The following CD38 variants were observed in gnomAD, a reference collection of about 807,000 sequenced individuals.
CD38 encodes the protein ADP-ribosyl cyclase/cyclic ADP-ribose hydrolase 1.
Under a neutral mutation model 36.3 loss-of-function variants are expected in CD38, and 31 were observed. The observed-to-expected ratio is 0.85, with a 90% CI of 0.64 to 1.15. The LOEUF (loss-of-function observed/expected upper bound fraction) is 1.15. CD38 is among the 50% of genes most tolerant of loss of function. CD38 has a pLI of 0.00. For synonymous variants in CD38, 131 were observed against 135.2 expected, an observed-to-expected ratio of 0.97 and a Z score of 0.22; for missense variants, 380 against 371.9, an observed-to-expected ratio of 1.02 and a Z score of -0.18.
chr4:15,819,185 A>T (rs1461755972), intron 2 of CD38, among the ~76,000 whole-genome samples: 1 of 152,282 alleles, frequency 6.6e-6, no homozygotes, highest in African/African-American at 2.4e-5. Flanking sequence ...AGGGCCTGTC[A>T]GGGGTGGGTG....
At chr4:15,803,073 G>A (rs1723263987) in intron 1 of CD38, among the ~76,000 whole-genome samples, 1 of 152,074 alleles carries the variant, frequency 6.6e-6, no homozygotes, top group African/African-American at 2.4e-5. Context: ...AAATATTGCT[G>A]GGGAAACTGG....
chr4:15,785,834 T>C (rs1722807196), intron 1 of CD38, among the ~76,000 whole-genome samples: 1 of 152,164 alleles, frequency 6.6e-6, no homozygotes, highest in African/African-American at 2.4e-5. Flanking sequence ...ACCCTCGTGG[T>C]GAGTGTTACA....
intron 5 of CD38, among the ~76,000 whole-genome samples, chr4:15,838,669 C>T (rs1392909225): frequency 6.6e-6 from 1 of 152,160 alleles, no homozygotes; most frequent in East Asian, 1.9e-4. Flanking sequence ...TTGGCCTTCA[C>T]TATCTTTTTG....
rs1252429087 is a variant in CD38, at chr4:15,778,865, G to C, written c.233+218G>C. ...CACCGAGCGTGCCCGCGGGAGGCGG[G>C]GGGGGGCGCTGCTCGGTGGCTCTGC... On this transcript the variant is annotated intron_variant, in intron 1 of 7. Coordinates refer to ENST00000226279, the MANE Select transcript of CD38 (RefSeq NM_001775.4). This position sits in a 1 kb window ranked among gnomAD's most constrained non-coding sequence, Gnocchi z 4.9. 6.6e-6 allele frequency among the ~76,000 whole-genome samples: 1 copy of C among 152,092 alleles called. No homozygotes were observed. Among genetic ancestry groups the C allele is most frequent in the Admixed American group, 6.5e-5 (1 of 15,284 alleles).
intron 7 of CD38, among the ~76,000 whole-genome samples, chr4:15,841,603 G>C (rs920689473): frequency 1.1e-4 from 17 of 151,604 alleles, no homozygotes; most frequent in Admixed American, 6.6e-5. Flanking sequence ...CTCCCAGCGT[G>C]AGCGACGCAG....
chr4:15,833,576 A>G lies in CD38; in HGVS notation c.500-641A>G, dbSNP rs554920032. 2.2e-4 allele frequency among the ~76,000 whole-genome samples: 33 copies of G among 152,268 alleles called. No homozygotes were observed. In the East Asian group the frequency reaches 6.0e-3, roughly 28 times the overall value. On this transcript the variant is annotated intron_variant, in intron 3 of 7. Coordinates refer to ENST00000226279, the MANE Select transcript of CD38 (RefSeq NM_001775.4). ...TCATTACAAGACTCCTAGAATTACT[A>G]TATCATGTGCTCTCTGAAGGCAAAG... is the stretch of plus-strand genomic sequence containing the variant.
intron 1 of CD38, among the ~76,000 whole-genome samples, chr4:15,791,490 C>T (rs1188877643): frequency 1.6e-5 from 1 of 62,426 alleles, no homozygotes; most frequent in Non-Finnish European, 2.9e-5. Flanking sequence ...GGGGGGTCAG[C>T]CCCCCGCCCG....
At chr4:15,805,847 G>GA (rs1195924593) in intron 1 of CD38, among the ~76,000 whole-genome samples, 1 of 152,168 alleles carries the variant, frequency 6.6e-6, no homozygotes, top group Non-Finnish European at 1.5e-5. Flanking sequence ...TCAAATTTGA[G>GA]AATTAATAGC....
chr4:15,828,795 CTT>C (rs1188522658), intron 3 of CD38, among the ~76,000 whole-genome samples: 3 of 152,254 alleles, frequency 2.0e-5, no homozygotes, highest in Admixed American at 6.5e-5. Flanking sequence ...GCAGGTATCT[CTT>C]TGACAAACTG....
intron 1 of CD38, among the ~76,000 whole-genome samples, chr4:15,797,883 G>C (rs914155181): frequency 6.6e-6 from 1 of 152,022 alleles, no homozygotes; most frequent in Non-Finnish European, 1.5e-5. Flanking sequence ...ATCTTAACTT[G>C]ATCATCTGTA....
intron 7 of CD38, among the ~76,000 whole-genome samples, chr4:15,842,201 A>G (rs1724228140): frequency 1.8e-5 from 2 of 110,986 alleles, no homozygotes; most frequent in African/African-American, 4.3e-5. Context: ...CCCAGCACGC[A>G]GCTGGAGATC....
At position 15,778,638 on chromosome 4, in the gene CD38, C is replaced by G. The variant is rs745401602; in HGVS notation, c.224C>G (p.Pro75Arg). 1.2e-6 allele frequency: 2 copies of G among 1,609,922 alleles called. No individual in the cohort carries two copies. The highest frequency in any genetic ancestry group is 2.7e-5 in the African/African-American group (2 of 74,862). ...TGCGTCAAGTACACTGAAATTCATCCTGAGATGAGGTGGGTTGGCGACTAA... is the reference window on the plus strand; with the variant it reads ...TGCGTCAAGTACACTGAAATTCATCGTGAGATGAGGTGGGTTGGCGACTAA... ...ARCVKYTEIH[P>R]EMRHVDCQSV... The change falls in exon 1 of 8, where the codon CCT becomes CGT. Residue 75 changes from proline (P) to arginine (R), a missense_variant. Physicochemically the swap from Pro to Arg is moderately radical, Grantham distance 103 (BLOSUM62 -2). Transcript: ENST00000226279. The surrounding 1 kb of genome is among the most constrained non-coding windows in gnomAD (Gnocchi z 4.9).
At chr4:15,821,436 G>A (rs958289520) in intron 2 of CD38, among the ~76,000 whole-genome samples, 7 of 151,746 alleles carry the variant, frequency 4.6e-5, no homozygotes, top group Non-Finnish European at 8.8e-5. Flanking sequence ...AGAATAGATG[G>A]ATCGCTAGCT....
chr4:15,838,253 A>G (rs978771204), intron 5 of CD38, 88 bp downstream of exon 5: 45 of 1,093,722 alleles, frequency 4.1e-5, no homozygotes, highest in Non-Finnish European at 5.8e-5. Flanking sequence ...TATGCTTTTC[A>G]TGTTTCAGGT....
At chr4:15,848,506 C>G in intron 7 of CD38, 33 bp from the exon 8 acceptor site, 8 of 1,560,408 alleles carry the variant, frequency 5.1e-6, no homozygotes, top group South Asian at 1.1e-5. Context: ...ATCCTACGGT[C>G]TCTTGATTTC....
chr4:15,848,233 TC>T (rs959091055), intron 7 of CD38, among the ~76,000 whole-genome samples: 1 of 152,176 alleles, frequency 6.6e-6, no homozygotes, highest in African/African-American at 2.4e-5. Flanking sequence ...TCCAGCTTTT[TC>T]CCAGACTCTG....
At chr4:15,808,019 G>A (rs925390482) in intron 1 of CD38, among the ~76,000 whole-genome samples, 2 of 152,146 alleles carry the variant, frequency 1.3e-5, no homozygotes, top group African/African-American at 4.8e-5. Context: ...CATGCAGGAA[G>A]GAAGGCAGGA....
In CD38 at chr4:15,810,092, A is replaced by G. The variant is rs1397118472; in HGVS notation, c.234-6419A>G. 7.2e-5 allele frequency among the ~76,000 whole-genome samples: 11 copies of G among 152,194 alleles called. No homozygotes were observed. In the East Asian group the frequency reaches 1.9e-3, roughly 27 times the overall value. On this transcript the variant is annotated intron_variant, in intron 1 of 7. Transcript: ENST00000226279. ...AGAAAGGGCAGAGAGTTAAGTTACA[A>G]ACTCTTCCTAGGTCTGTTTCAACTC...
In CD38 at chr4:15,778,776, G is replaced by A. The variant is rs1322343800; in HGVS notation, c.233+129G>A. ...GGGTCAGCCGAGAGCCCGCCGGGTG[G>A]TGCTGAGTAGGGAGTCCCGGGCTCG... On this transcript the variant is annotated intron_variant, in intron 1 of 7. Transcript: ENST00000226279. This position sits in a 1 kb window ranked among gnomAD's most constrained non-coding sequence, Gnocchi z 4.9. 2 of 668,380 alleles carry A rather than the reference G, an allele frequency of 3.0e-6. No individual in the cohort carries two copies. The highest frequency in any genetic ancestry group is 5.1e-6 in the Non-Finnish European group (2 of 394,156). 41.4% of individuals were successfully genotyped at this position (668,380 alleles called of 1,614,324 possible). A position where few individuals can be genotyped will look rare whatever the true frequency, so the allele number is the denominator to read the frequency against.
Sources: allele counts gnomAD v4.1 joint callset (sites outside exome capture counted in the v4.1 genomes callset), GRCh38; gene constraint gnomAD v4.1.1; non-coding constraint Gnocchi (gnomAD v3.1); transcripts MANE v1.5; gene names NCBI Gene and HGNC (gene_info 2026-07-23, HGNC 2026-07-21).